Variants in HLA-DPA1 observed in about 807,000 individuals in gnomAD.
The protein encoded by HLA-DPA1 is major histocompatibility complex, class II, DP alpha 1.
A neutral mutation model predicts 21.5 loss-of-function variants in HLA-DPA1; 20 were observed. That is an observed-to-expected ratio of 0.93 (90% CI 0.66 to 1.35). The LOEUF is 1.35. Ranked by LOEUF, HLA-DPA1 falls within the 40% of genes most tolerant of loss-of-function variation. The pLI is 0.00. For missense variants in HLA-DPA1, 279 were observed against 323.0 expected, an observed-to-expected ratio of 0.86 and a Z score of 1.05; for synonymous variants, 123 against 129.6, an observed-to-expected ratio of 0.95 and a Z score of 0.35.
chr6:33,065,198 T>G (rs7905), exon 6 of HLA-DPA1: 5 of 152,126 alleles, frequency 3.3e-5, no homozygotes, highest in African/African-American at 1.2e-4. Flanking sequence ...TTTGAGGTAA[T>G]GGATAAGGAC....
At chr6:33,074,729 G>T (rs1023697185) in intron 1 of HLA-DPA1, among the ~76,000 whole-genome samples, 1 of 152,166 alleles carries the variant, frequency 6.6e-6, no homozygotes, top group Non-Finnish European at 1.5e-5. Flanking sequence ...AAACCTGAGG[G>T]AGGTATTATT....
Position 33,069,311 on chromosome 6 carries a change from A to C in HLA-DPA1, c.347-11T>G. The C allele has an allele frequency of 6.2e-7, 1 of 1,609,574 alleles. No individual in the cohort carries two copies. Among genetic ancestry groups the C allele is most frequent in the Non-Finnish European group, 8.5e-7 (1 of 1,178,030 alleles). ...TCACCTCAGGGGGATCTGGAAGGAG[A>C]CAGCACCAGGTTAGGCCCCTCTTCT... On this transcript the variant is annotated splice_polypyrimidine_tract_variant and intron_variant, in intron 3 of 5. Transcript: ENST00000419277.
chr6:33,079,656 A>AT (rs1235614432), intron 1 of HLA-DPA1: 15 of 471,592 alleles, frequency 3.2e-5, no homozygotes. Context: ...AACAAAAAAA[A>AT]CATGCTGCCC....
chr6:33,079,872 C>T (rs972755763), intron 1 of HLA-DPA1: 2 of 307,560 alleles, frequency 6.5e-6, no homozygotes, highest in East Asian at 9.0e-5. Flanking sequence ...AAGTTCATGT[C>T]CACGTTTTGT....
chr6:33,066,252 G>A (rs1761948394), intron 5 of HLA-DPA1: 1 of 152,170 alleles, frequency 6.6e-6, no homozygotes, highest in African/African-American at 2.4e-5. Context: ...GGCACAAGAA[G>A]AGACAAACAG....
At position 33,080,658 on chromosome 6, in the gene HLA-DPA1, C is replaced by A. The variant is rs772739416; in HGVS notation, c.-100+22G>T. 1 of 1,612,206 alleles carries A rather than the reference C, an allele frequency of 6.2e-7. No homozygotes were observed. The highest frequency in any genetic ancestry group is 1.7e-5 in the Admixed American group (1 of 60,010). On this transcript the variant is annotated intron_variant, in intron 1 of 5. Coordinates refer to ENST00000419277, the Ensembl canonical transcript of HLA-DPA1. The surrounding 1 kb of genome is among the most constrained non-coding windows in gnomAD (Gnocchi z 4.3). Reference sequence around the variant, plus strand: ...AGAGTGGCGCCTCCGCTCATGTCCGCCCCCTCCCCGCAGAGAATTACCTTT... The same window carrying A: ...AGAGTGGCGCCTCCGCTCATGTCCGACCCCTCCCCGCAGAGAATTACCTTT...
At position 33,069,876 on chromosome 6, in the gene HLA-DPA1, CA is replaced by C. The variant is rs1207678884; in HGVS notation, c.110del (p.Val37GlyfsTer61). 1 of 1,609,364 alleles carries C rather than the reference CA, an allele frequency of 6.2e-7. No homozygotes were observed. Among genetic ancestry groups the C allele is most frequent in the Non-Finnish European group, 8.5e-7 (1 of 1,178,222 alleles). ...TCTGTACAAACGCGGCATAAGTTGA[CA>C]CATGGTCCGCTGCATAAAGACAGTA... On this transcript the variant is annotated frameshift_variant, in exon 3 of 6. Coordinates refer to ENST00000419277, the Ensembl canonical transcript of HLA-DPA1. LOFTEE classifies it high-confidence loss of function.
chr6:33,076,092 G>A (rs146214653), intron 1 of HLA-DPA1: 6 of 1,612,286 alleles, frequency 3.7e-6, no homozygotes, highest in African/African-American at 2.7e-5. Context: ...CTCTGACGGC[G>A]TTACTGATGG....
chr6:33,075,983 A>G, intron 1 of HLA-DPA1: 1 of 1,290,088 alleles, frequency 7.8e-7, no homozygotes, highest in South Asian at 1.3e-5. Flanking sequence ...AGCTCCCTTT[A>G]GCGAGTCCTT....
Position 33,069,473 on chromosome 6 carries a change from T to C in HLA-DPA1, c.346+168A>G, listed in dbSNP as rs1428121944. The C allele has an allele frequency of 1.3e-5, 14 of 1,057,634 alleles. No individual in the cohort carries two copies. In the East Asian group the frequency reaches 3.2e-4, roughly 24 times the overall value. The allele number at this position is 1,057,634 out of a possible 1,614,324, so 65.5% of individuals were successfully genotyped here. On this transcript the variant is annotated intron_variant, in intron 3 of 5. Coordinates refer to ENST00000419277, the Ensembl canonical transcript of HLA-DPA1. ...TCACTCTGCTCACCTTTCTCTCTCCTGAGAAGAGAGGATGCAAGCCCTTGC... is the reference window on the plus strand; with the variant it reads ...TCACTCTGCTCACCTTTCTCTCTCCCGAGAAGAGAGGATGCAAGCCCTTGC...
exon 5 of HLA-DPA1, chr6:33,068,670 G>C (rs190707736): frequency 2.5e-6 from 4 of 1,612,360 alleles, no homozygotes; most frequent in Non-Finnish European, 2.5e-6. Context: ...CCCTGGGCCC[G>C]GGGGTCATGG....
intron 5 of HLA-DPA1, chr6:33,066,346 T>C (rs1439401052): frequency 6.6e-6 from 1 of 152,132 alleles, no homozygotes; most frequent in Non-Finnish European, 1.5e-5. Flanking sequence ...TACTAACCTA[T>C]GGGGAAAAGG....
At chr6:33,072,320 A>G (rs1375731041) in intron 2 of HLA-DPA1, among the ~76,000 whole-genome samples, 1 of 152,230 alleles carries the variant, frequency 6.6e-6, no homozygotes, top group African/African-American at 2.4e-5. Flanking sequence ...TGTCTCTGGG[A>G]CAGGATGCAG....
intron 2 of HLA-DPA1, among the ~76,000 whole-genome samples, chr6:33,070,178 T>C (rs72879615): frequency 6.6e-6 from 1 of 152,058 alleles, no homozygotes; most frequent in Non-Finnish European, 1.5e-5. Flanking sequence ...ACAATAGTAA[T>C]AGTAACAATG....
intron 1 of HLA-DPA1, chr6:33,075,885 G>C: frequency 1.6e-6 from 1 of 610,992 alleles, no homozygotes; most frequent in Admixed American, 2.9e-5. Context: ...ACAAAGCTCA[G>C]TGTCCATTGG....
Position 33,080,447 on chromosome 6 carries a change from G to GCAGTGAGT in HLA-DPA1, c.-100+232_-100+233insACTCACTG, listed in dbSNP as rs199519145. 0.012 allele frequency: 8,499 copies of GCAGTGAGT among 721,954 alleles called. 150 individuals are homozygous for GCAGTGAGT. Among genetic ancestry groups the GCAGTGAGT allele is most frequent in the African/African-American group, 0.065 (3,711 of 57,150 alleles). 44.7% of individuals were successfully genotyped at this position (721,954 alleles called of 1,614,324 possible). ...CCTAGTGATCACTCAGTGCCCCTGA[G>GCAGTGAGT]CTCATTCTTTTCAGTAAATTCTCTC... is the stretch of plus-strand genomic sequence containing the variant. On this transcript the variant is annotated intron_variant, in intron 1 of 5. Transcript: ENST00000419277. The surrounding 1 kb of genome is among the most constrained non-coding windows in gnomAD (Gnocchi z 4.3).
intron 1 of HLA-DPA1, among the ~76,000 whole-genome samples, chr6:33,075,197 T>C (rs1762478055): frequency 1.3e-5 from 2 of 152,228 alleles, no homozygotes; most frequent in Admixed American, 6.5e-5. Context: ...CTATGGACTT[T>C]ATTTTTCCAA....
At chr6:33,069,857 C>T (rs1762186578) in exon 3 of HLA-DPA1, 5 of 1,609,988 alleles carry the variant, frequency 3.1e-6, no homozygotes, top group Middle Eastern at 1.7e-4. Context: ...TGCGTCTGTA[C>T]AAACGCGGCA....
At chr6:33,069,827 T>G in exon 3 of HLA-DPA1, 1 of 1,610,620 alleles carries the variant, frequency 6.2e-7, no homozygotes. Flanking sequence ...AATTCAAACA[T>G]AAACTCCCCT....
Sources: gnomAD v4.1 joint callset for allele counts (sites outside exome capture counted in the v4.1 genomes callset) on GRCh38, gnomAD v4.1.1 for gene constraint, Gnocchi (gnomAD v3.1) non-coding constraint, MANE v1.5 for transcripts, NCBI Gene and HGNC (gene_info 2026-07-23, HGNC 2026-07-21) for gene names.